Variants in LTBP1 observed in about 807,000 individuals in gnomAD.
LTBP1 encodes the protein latent-transforming growth factor beta-binding protein 1.
In LTBP1, 129 loss-of-function variants were observed where a neutral mutation model predicts 207.6. That is an observed-to-expected ratio of 0.62 (90% CI 0.54 to 0.72). LTBP1 has a LOEUF of 0.72. Among genes scored for constraint, LTBP1 ranks in the 30% least tolerant of loss-of-function variants. LTBP1 has a pLI of 0.00. For synonymous variants in LTBP1, 963 were observed against 833.7 expected, an observed-to-expected ratio of 1.16 and a Z score of -2.67; for missense variants, 2,281 against 2,217.2, an observed-to-expected ratio of 1.03 and a Z score of -0.58.
intron 3 of LTBP1, among the ~76,000 whole-genome samples, chr2:33,051,474 G>C (rs1378025055): frequency 6.6e-6 from 1 of 152,248 alleles, no homozygotes; most frequent in East Asian, 1.9e-4. Context: ...CAATATTACT[G>C]AGTGAGGATT....
chr2:33,084,914 C>G lies in LTBP1; in HGVS notation c.864-25668C>G, dbSNP rs1031020572. 2.0e-5 allele frequency among the ~76,000 whole-genome samples: 3 copies of G among 152,120 alleles called. No homozygotes were observed. The South Asian group carries it at 6.2e-4, about 32-fold the overall frequency. ...AGCCTTTGGGGGTTGAATGATAACCCTCATCCCCCAAAAAGATATGTCCAC... is the reference window on the plus strand; with the variant it reads ...AGCCTTTGGGGGTTGAATGATAACCGTCATCCCCCAAAAAGATATGTCCAC... On this transcript the variant is annotated intron_variant, in intron 3 of 33. Coordinates refer to ENST00000404816, the MANE Select transcript of LTBP1 (RefSeq NM_206943.4).
chr2:33,141,207 G>A (rs1465789938), intron 5 of LTBP1, among the ~76,000 whole-genome samples: 3 of 152,194 alleles, frequency 2.0e-5, no homozygotes, highest in African/African-American at 7.2e-5. Context: ...ACCAAATACA[G>A]TATGAGTCCA....
chr2:33,022,859 T>A lies in LTBP1; in HGVS notation c.863+1653T>A, dbSNP rs117261715. ...ACTTTATGGACATTGAAATTTGAAT[T>A]TCATATAAATTTCACAGGTCATGAA... On this transcript the variant is annotated intron_variant, in intron 3 of 33. Coordinates refer to ENST00000404816, the MANE Select transcript of LTBP1 (RefSeq NM_206943.4). Among the ~76,000 whole-genome samples the A allele has an allele frequency of 9.2e-4, 140 of 152,318 alleles. 2 individuals carry two copies. In the East Asian group the frequency reaches 0.022, roughly 24 times the overall value.
intron 13 of LTBP1, among the ~76,000 whole-genome samples, chr2:33,262,349 T>C (rs1171893958): frequency 6.6e-6 from 1 of 152,178 alleles, no homozygotes; most frequent in African/African-American, 2.4e-5. Flanking sequence ...CAGAGCCACA[T>C]GTGAATGAGG....
intron 3 of LTBP1, among the ~76,000 whole-genome samples, chr2:33,062,346 G>A (rs554442269): frequency 2.0e-5 from 3 of 152,108 alleles, no homozygotes; most frequent in Non-Finnish European, 4.4e-5. Flanking sequence ...TGATTTCTGT[G>A]TGTCGCTCAA....
intron 7 of LTBP1, among the ~76,000 whole-genome samples, chr2:33,189,626 T>G (rs2087612585): frequency 6.6e-6 from 1 of 152,244 alleles, no homozygotes; most frequent in Non-Finnish European, 1.5e-5. Flanking sequence ...TGTAAATATT[T>G]TTGCCTTTTG....
rs183910311 is a variant in LTBP1, at chr2:33,138,216, A to G, written c.1201+3256A>G. On this transcript the variant is annotated intron_variant, in intron 5 of 33. Transcript: ENST00000404816. ...TGTGAAAGGCAGCAGGTATTTTCGC[A>G]TGACTATTGAGCATGCAGTCTCTGT... 3.3e-4 allele frequency among the ~76,000 whole-genome samples: 51 copies of G among 152,338 alleles called. No homozygotes were observed. In the East Asian group the frequency reaches 6.5e-3, roughly 20 times the overall value.
chr2:32,988,184 C>T (rs1467283321), intron 2 of LTBP1, among the ~76,000 whole-genome samples: 1 of 152,190 alleles, frequency 6.6e-6, no homozygotes, highest in Non-Finnish European at 1.5e-5. Flanking sequence ...TTTTGGACTT[C>T]TAAGCCTCCA....
At chr2:33,156,882 G>A (rs903111280) in intron 5 of LTBP1, among the ~76,000 whole-genome samples, 2 of 152,140 alleles carry the variant, frequency 1.3e-5, no homozygotes, top group Non-Finnish European at 1.5e-5. Context: ...GAGTCAAACC[G>A]ATTATCTTAC....
chr2:32,969,226 AATTTGTGTGT>A (rs1359934369), intron 2 of LTBP1, among the ~76,000 whole-genome samples: 2 of 86,226 alleles, frequency 2.3e-5, no homozygotes, highest in African/African-American at 9.5e-5. Flanking sequence ...GCACCTGGCC[AATTTGTGTGT>A]GTGTGTGTGT....
intron 9 of LTBP1, among the ~76,000 whole-genome samples, chr2:33,229,340 T>C (rs1171312558): frequency 2.6e-5 from 4 of 151,950 alleles, no homozygotes; most frequent in African/African-American, 7.2e-5. Context: ...CTGGGTGTGG[T>C]GGTGCATGCC....
At chr2:33,033,263 A>C (rs1040840987) in intron 3 of LTBP1, among the ~76,000 whole-genome samples, 8 of 152,180 alleles carry the variant, frequency 5.3e-5, no homozygotes, top group Admixed American at 5.2e-4. Flanking sequence ...TCATAGGACA[A>C]AACATGTAAT....
chr2:33,045,394 G>A (rs1416817790), intron 3 of LTBP1, among the ~76,000 whole-genome samples: 6 of 152,186 alleles, frequency 3.9e-5, no homozygotes, highest in Non-Finnish European at 7.4e-5. Flanking sequence ...GCTTGTTTTT[G>A]TCAGATTTGT....
chr2:33,075,280 A>C lies in LTBP1; in HGVS notation c.864-35302A>C, dbSNP rs148227640. Among the ~76,000 whole-genome samples, 88 of 152,330 alleles carry C rather than the reference A, an allele frequency of 5.8e-4. 1 individual carries two copies. The highest frequency in any genetic ancestry group is 2.0e-3 in the African/African-American group (84 of 41,584). ...TTCAAATATTGTGTATGATCCTCAC[A>C]TTGCAGGTTTTCGGTGACCTGTGGA... On this transcript the variant is annotated intron_variant, in intron 3 of 33. Transcript: ENST00000404816.
chr2:33,065,855 GA>G (rs1339690128), intron 3 of LTBP1, among the ~76,000 whole-genome samples: 8 of 152,180 alleles, frequency 5.3e-5, no homozygotes, highest in Admixed American at 4.6e-4. Context: ...GAAAGTTTTT[GA>G]AAAAATTCAC....
intron 15 of LTBP1, among the ~76,000 whole-genome samples, chr2:33,268,773 G>A (rs2093247107): frequency 2.0e-5 from 3 of 152,176 alleles, no homozygotes. Flanking sequence ...GGAAGCCAGG[G>A]CATTTTTGTA....
intron 24 of LTBP1, among the ~76,000 whole-genome samples, chr2:33,333,711 A>G (rs56240304): frequency 0.023 from 3,557 of 152,318 alleles, 71 homozygotes; most frequent in Non-Finnish European, 0.037. Context: ...TGCCTGTGAA[A>G]TATCCATGTG....
chr2:33,245,537 C>G (rs1330447444), intron 10 of LTBP1, among the ~76,000 whole-genome samples: 1 of 152,204 alleles, frequency 6.6e-6, no homozygotes, highest in Non-Finnish European at 1.5e-5. Flanking sequence ...CAGTTCTGAT[C>G]ATGAAGCAGA....
chr2:32,995,775 C>T (rs550485081), intron 2 of LTBP1, among the ~76,000 whole-genome samples: 9 of 152,224 alleles, frequency 5.9e-5, no homozygotes, highest in East Asian at 1.9e-4. Context: ...GGCAACAGAG[C>T]GAGACTCTGT....
Sources: gnomAD v4.1 joint callset for allele counts (sites outside exome capture counted in the v4.1 genomes callset) on GRCh38, gnomAD v4.1.1 for gene constraint, MANE v1.5 for transcripts, NCBI Gene and HGNC (gene_info 2026-07-23, HGNC 2026-07-21) for gene names.